The following ZFAND3 variants were observed in gnomAD, a reference collection of about 807,000 sequenced individuals.
ZFAND3 encodes zinc finger AN1-type containing 3.
A neutral mutation model predicts 29.6 loss-of-function variants in ZFAND3; 10 were observed. The ratio of observed to expected loss-of-function variants is 0.34; its 90% CI spans 0.21 to 0.57. ZFAND3 has a LOEUF of 0.57. ZFAND3 is among the 20% of genes least tolerant of loss of function. ZFAND3 has a pLI of 0.86. For synonymous variants in ZFAND3, 128 were observed against 112.6 expected (o/e 1.14, Z -0.87); for missense variants, 230 against 304.5 (o/e 0.76, Z 1.82).
At position 38,061,625 on chromosome 6, in the gene ZFAND3, G is replaced by A. The variant is rs777903822; in HGVS notation, c.145G>A (p.Ala49Thr). 1.9e-6 allele frequency: 3 copies of A among 1,614,054 alleles called. No homozygotes were observed. The highest frequency in any genetic ancestry group is 1.7e-6 in the Non-Finnish European group (2 of 1,179,994). ...AAAGAAACAGCCAGACGATGATTCC[G>A]CTCCAAGTACAAGTAACAGCCAATC... ...FQKKQPDDDS[A>T]PSTSNSQSDL... The change falls in exon 3 of 6, where the codon GCT becomes ACT. Residue 49 changes from alanine to threonine, a missense_variant. By Grantham distance (58) the Ala-to-Thr change is moderately conservative (BLOSUM62 0). This residue lies in a region of ZFAND3 where 180 missense variants were observed against 202.5 expected (regional missense o/e 0.89). Transcript: ENST00000287218.
chr6:37,970,928 A>G (rs1762377296), intron 2 of ZFAND3, among the ~76,000 whole-genome samples: 4 of 152,100 alleles, frequency 2.6e-5, no homozygotes, highest in Admixed American at 2.6e-4. Flanking sequence ...CAAACAAACA[A>G]ACAAACAAAC....
chr6:38,124,545 G>A (rs1765596526), intron 5 of ZFAND3, among the ~76,000 whole-genome samples: 1 of 152,190 alleles, frequency 6.6e-6, no homozygotes, highest in South Asian at 2.1e-4. Context: ...ACTGCTGGGG[G>A]ATCTGGTGCA....
At chr6:37,978,026 G>A (rs1762519621) in intron 2 of ZFAND3, among the ~76,000 whole-genome samples, 1 of 151,692 alleles carries the variant, frequency 6.6e-6, no homozygotes, top group East Asian at 1.9e-4. Context: ...TCCGCCTCCT[G>A]AGTTCAAGTG....
At chr6:38,127,560 GA>G (rs1182358989) in intron 5 of ZFAND3, among the ~76,000 whole-genome samples, 9 of 152,218 alleles carry the variant, frequency 5.9e-5, no homozygotes, top group African/African-American at 2.2e-4. Flanking sequence ...CACTTGAGGT[GA>G]TGAAAGCAAG....
chr6:38,046,785 C>G (rs1581869210), intron 2 of ZFAND3, among the ~76,000 whole-genome samples: 1 of 152,144 alleles, frequency 6.6e-6, no homozygotes, highest in Non-Finnish European at 1.5e-5. Flanking sequence ...ATTTTAGTTG[C>G]TTGGAAATAC....
rs566230592 is a variant in ZFAND3, at chr6:38,146,975, C to A, written c.530-5260C>A. 4.6e-5 allele frequency among the ~76,000 whole-genome samples: 7 copies of A among 152,184 alleles called. No homozygotes were observed. In the South Asian group the frequency reaches 1.5e-3, roughly 32 times the overall value. The stretch of plus-strand genomic sequence containing the variant: ...AAATGTATGGGGTACATGAGAAATT[C>A]TGTTACATGTATATAATGCATGTGA... On this transcript the variant is annotated intron_variant, in intron 5 of 5. Coordinates refer to ENST00000287218, the MANE Select transcript of ZFAND3 (RefSeq NM_021943.3).
rs1766053283 is a variant in ZFAND3 at position 38,144,231 on chromosome 6, A to AATATATATATATAT, written c.530-8004_530-8003insATATATATATATAT. Reference sequence around the variant, plus strand: ...TATATAATATATAATATATATATATATTTTTTTTTTAATAAGGTTGCTTGA... The same window carrying AATATATATATATAT: ...TATATAATATATAATATATATATATAATATATATATATATTTTTTTTTTTAATAAGGTTGCTTGA... On this transcript the variant is annotated intron_variant, in intron 5 of 5. Transcript: ENST00000287218. 1.2e-3 allele frequency among the ~76,000 whole-genome samples: 91 copies of AATATATATATATAT among 75,242 alleles called. 2 individuals are homozygous for AATATATATATATAT. The highest frequency in any genetic ancestry group is 3.7e-3 in the African/African-American group (86 of 23,470). The allele number at this position is 75,242 out of a possible 152,430, so 49.4% of individuals were successfully genotyped here. A position where few individuals can be genotyped will look rare whatever the true frequency, so the allele number is the denominator to read the frequency against.
At chr6:38,085,769 A>C (rs1438467559) in intron 4 of ZFAND3, among the ~76,000 whole-genome samples, 4 of 152,148 alleles carry the variant, frequency 2.6e-5, no homozygotes, top group African/African-American at 9.7e-5. Context: ...CAGCAAATAC[A>C]CACACAAATA....
intron 1 of ZFAND3, among the ~76,000 whole-genome samples, chr6:37,890,353 G>C (rs947386585): frequency 2.6e-5 from 4 of 152,118 alleles, no homozygotes. Context: ...CTGATATTTG[G>C]ACATTTGGGT....
Position 38,153,524 on chromosome 6 carries a change from T to C in ZFAND3, c.*1135T>C. 1 of 985,532 alleles carries C rather than the reference T, an allele frequency of 1.0e-6. No individual in the cohort carries two copies. The highest frequency in any genetic ancestry group is 1.2e-6 in the Non-Finnish European group (1 of 829,964). 61.0% of individuals were successfully genotyped at this position (985,532 alleles called of 1,614,324 possible). A position where few individuals can be genotyped will look rare whatever the true frequency, so the allele number is the denominator to read the frequency against. On this transcript the variant is annotated 3_prime_UTR_variant, in exon 6 of 6. Transcript: ENST00000287218. ...GTCCCAGGGACAGTGGGTTTGGATC[T>C]GTCTAGAACAGCGGTTTGTGGCTGT...
At chr6:38,031,008 C>T (rs929044982) in intron 2 of ZFAND3, among the ~76,000 whole-genome samples, 2 of 152,064 alleles carry the variant, frequency 1.3e-5, no homozygotes, top group Non-Finnish European at 1.5e-5. Flanking sequence ...CTAAGTTGTA[C>T]CTGAGATGGG....
At chr6:37,940,962 GT>G (rs775132456) in intron 2 of ZFAND3, among the ~76,000 whole-genome samples, 10 of 152,142 alleles carry the variant, frequency 6.6e-5, no homozygotes, top group Non-Finnish European at 1.0e-4. Flanking sequence ...GTTTGTTTTT[GT>G]TTTTAAAGGC....
At chr6:38,027,999 A>G (rs1428276304) in intron 2 of ZFAND3, among the ~76,000 whole-genome samples, 2 of 152,190 alleles carry the variant, frequency 1.3e-5, no homozygotes, top group Non-Finnish European at 2.9e-5. Context: ...TCCCCAGGGC[A>G]TTGTTTGCTC....
chr6:38,011,871 A>G (rs1003651227), intron 2 of ZFAND3, among the ~76,000 whole-genome samples: 1 of 152,214 alleles, frequency 6.6e-6, no homozygotes, highest in African/African-American at 2.4e-5. Flanking sequence ...TCTTTGGAAA[A>G]TGGTTTTAAC....
intron 1 of ZFAND3, among the ~76,000 whole-genome samples, chr6:37,915,260 A>G (rs533373333): frequency 6.6e-6 from 1 of 152,324 alleles, no homozygotes; most frequent in East Asian, 1.9e-4. Flanking sequence ...GTTTAAGGGA[A>G]TATTATGGCT....
chr6:38,029,639 A>C (rs1763511439), intron 2 of ZFAND3, among the ~76,000 whole-genome samples: 1 of 152,178 alleles, frequency 6.6e-6, no homozygotes, highest in Non-Finnish European at 1.5e-5. Context: ...CAAAAACCTT[A>C]TAGATAAATA....
At chr6:37,844,057 A>G (rs1764129794) in intron 1 of ZFAND3, among the ~76,000 whole-genome samples, 1 of 151,918 alleles carries the variant, frequency 6.6e-6, no homozygotes, top group Non-Finnish European at 1.5e-5. Context: ...AGCTGGGACC[A>G]CAAGACCACC....
intron 2 of ZFAND3, among the ~76,000 whole-genome samples, chr6:38,016,135 A>C (rs1031440098): frequency 5.9e-5 from 9 of 152,178 alleles, no homozygotes; most frequent in Non-Finnish European, 1.0e-4. Context: ...TTGGAGTCAA[A>C]TATACCTGGA....
intron 1 of ZFAND3, among the ~76,000 whole-genome samples, chr6:37,846,704 A>AT (rs59448343): frequency 0.13 from 18,866 of 140,748 alleles, 1,459 homozygotes; most frequent in East Asian, 0.4. Context: ...TATACTTGTG[A>AT]TTTTTTTTTT....
Sources: gnomAD v4.1 joint callset for allele counts (sites outside exome capture counted in the v4.1 genomes callset) on GRCh38, gnomAD v4.1.1 for gene constraint, gnomAD v4.1.1 regional missense constraint, MANE v1.5 for transcripts, NCBI Gene and HGNC (gene_info 2026-07-23, HGNC 2026-07-21) for gene names.